Variants in PSG3 observed in about 807,000 individuals in gnomAD.
PSG3 encodes pregnancy specific beta-1-glycoprotein 3, also known as pregnancy-specific beta-1-glycoprotein 3.
Under a neutral mutation model 47.5 loss-of-function variants are expected in PSG3, and 61 were observed. The ratio of observed to expected loss-of-function variants is 1.28; its 90% CI spans 1.05 to 1.59. The LOEUF (loss-of-function observed/expected upper bound fraction) is 1.59. PSG3 is among the 40% of genes most tolerant of loss of function. PSG3 has a pLI of 0.00. For synonymous variants in PSG3, 263 were observed against 198.4 expected (o/e 1.33, Z -2.74); for missense variants, 756 against 524.0 (o/e 1.44, Z -4.32).
At chr19:42,737,535 A>G (rs1969586027) in intron 2 of PSG3, among the ~76,000 whole-genome samples, 1 of 152,064 alleles carries the variant, frequency 6.6e-6, no homozygotes, top group Admixed American at 6.5e-5. Flanking sequence ...AGGCCTGGAC[A>G]TGTTTTTTCC....
In PSG3 at chr19:42,729,513, G is replaced by A. The variant is rs550661388; in HGVS notation, c.989-136C>T. The A allele has an allele frequency of 3.4e-4, 506 of 1,485,128 alleles. 1 individual carries two copies. The African/African-American group carries it at 6.5e-3, about 19-fold the overall frequency. 92.0% of individuals were successfully genotyped at this position (1,485,128 alleles called of 1,614,324 possible). ...CAGCCAAACCCCCTCTATGTTCACT[G>A]AGCTGAAGCCTGAGGTATTCCCCTG... On this transcript the variant is annotated intron_variant, in intron 4 of 6. Coordinates refer to ENST00000327495, the MANE Select transcript of PSG3 (RefSeq NM_021016.4).
intron 5 of PSG3, among the ~76,000 whole-genome samples, chr19:42,725,415 A>G (rs1188972433): frequency 6.6e-6 from 1 of 152,244 alleles, no homozygotes; most frequent in African/African-American, 2.4e-5. Context: ...TAAGGATTAG[A>G]GTGGATATAA....
Position 42,728,910 on chromosome 19 carries a change from T to G in PSG3, c.1243+213A>C, listed in dbSNP as rs1969417921. Among the ~76,000 whole-genome samples the G allele has an allele frequency of 2.6e-5, 4 of 152,216 alleles. No individual in the cohort carries two copies. The South Asian group carries it at 8.3e-4, about 32-fold the overall frequency. On this transcript the variant is annotated intron_variant, in intron 5 of 6. Coordinates refer to ENST00000327495, the MANE Select transcript of PSG3 (RefSeq NM_021016.4). ...TGATAAAGCCCGCTCCGTACCTTTCTCAGGCCAGACACAAGGTCAGCCATG... is the reference window on the plus strand; with the variant it reads ...TGATAAAGCCCGCTCCGTACCTTTCGCAGGCCAGACACAAGGTCAGCCATG...
intron 2 of PSG3, among the ~76,000 whole-genome samples, chr19:42,735,076 A>G (rs1283662460): frequency 1.3e-5 from 2 of 152,236 alleles, no homozygotes; most frequent in South Asian, 2.1e-4. Context: ...GCCATCAGAT[A>G]GCACCCACCT....
Position 42,738,886 on chromosome 19 carries a change from T to A in PSG3, c.268A>T (p.Ile90Leu), listed in dbSNP as rs142949669. 6.2e-7 allele frequency: 1 copy of A among 1,614,080 alleles called. No individual in the cohort carries two copies. The highest frequency in any genetic ancestry group is 8.5e-7 in the Non-Finnish European group (1 of 1,179,974). The change falls in exon 2 of 7, where the codon ATA becomes TTA. Residue 90 changes from isoleucine to leucine, a missense_variant. Physicochemically the swap from Ile to Leu is conservative, Grantham distance 5. Coordinates refer to ENST00000327495, the MANE Select transcript of PSG3 (RefSeq NM_021016.4). ...CGTCCACTGTATGCAGGCCCATATA[T>A]AATTATTTGACCATCTACTACGTAT... The part of the protein sequence containing the change: ...TSYVVDGQII[I>L]YGPAYSGRET...
intron 2 of PSG3, among the ~76,000 whole-genome samples, chr19:42,735,510 G>C (rs1305463179): frequency 6.6e-6 from 1 of 152,072 alleles, no homozygotes; most frequent in East Asian, 1.9e-4. Context: ...GGGACTACAA[G>C]CGCCTGCCAC....
At chr19:42,737,901 G>A (rs147815087) in intron 2 of PSG3, among the ~76,000 whole-genome samples, 13 of 152,328 alleles carry the variant, frequency 8.5e-5, no homozygotes, top group South Asian at 4.1e-4. Flanking sequence ...TCACAGTCAC[G>A]TGACCTAATT....
chr19:42,736,513 G>C (rs1278685135), intron 2 of PSG3, among the ~76,000 whole-genome samples: 1 of 152,072 alleles, frequency 6.6e-6, no homozygotes, highest in Non-Finnish European at 1.5e-5. Flanking sequence ...TGATCCACTG[G>C]GGAGGCTGAT....
chr19:42,735,248 G>A (rs144797445), intron 2 of PSG3, among the ~76,000 whole-genome samples: 1 of 152,058 alleles, frequency 6.6e-6, no homozygotes, highest in Non-Finnish European at 1.5e-5. Context: ...CCCCACTCTT[G>A]TTGAACTTTC....
chr19:42,734,907 T>C (rs893243908), intron 2 of PSG3, among the ~76,000 whole-genome samples: 1 of 152,228 alleles, frequency 6.6e-6, no homozygotes, highest in African/African-American at 2.4e-5. Flanking sequence ...CTTCATTTTC[T>C]CTTAAGCTCA....
chr19:42,723,608 G>T (rs1969329722), intron 6 of PSG3, among the ~76,000 whole-genome samples: 1 of 152,178 alleles, frequency 6.6e-6, no homozygotes. Context: ...TTTGAGAAGT[G>T]GTTGAGCTTT....
rs1969304021 is a variant in PSG3, at chr19:42,721,796, T to C, written c.*335A>G. On this transcript the variant is annotated 3_prime_UTR_variant, in exon 7 of 7. Coordinates refer to ENST00000327495, the MANE Select transcript of PSG3 (RefSeq NM_021016.4). Reference sequence around the variant, plus strand: ...GCTGAAGAAAAAAAGTGCATAAATCTGGAGAATAAAACATTCAAAGAATCA... The same window carrying C: ...GCTGAAGAAAAAAAGTGCATAAATCCGGAGAATAAAACATTCAAAGAATCA... The C allele has an allele frequency of 4.9e-6, 2 of 408,776 alleles. No individual in the cohort carries two copies. Among genetic ancestry groups the C allele is most frequent in the African/African-American group, 4.1e-5 (2 of 48,588 alleles). 25.3% of individuals were successfully genotyped at this position (408,776 alleles called of 1,614,324 possible). A position where few individuals can be genotyped will look rare whatever the true frequency, so the allele number is the denominator to read the frequency against.
At chr19:42,733,298 C>T (rs570620505) in intron 2 of PSG3, 139 of 897,370 alleles carry the variant, frequency 1.5e-4, no homozygotes, top group Admixed American at 2.5e-4. Context: ...TGAGCAGCAG[C>T]ATTGGGTCAC....
chr19:42,733,238 G>T (rs1969506678), intron 2 of PSG3, 176 bp from the exon 3 acceptor site: 1 of 1,337,012 alleles, frequency 7.5e-7, no homozygotes, highest in Non-Finnish European at 1.0e-6. Context: ...CAGAGATTGT[G>T]AGGCTGCCTG....
chr19:42,729,461 T>C, intron 4 of PSG3, 84 bp from the exon 5 acceptor site: 1 of 1,542,886 alleles, frequency 6.5e-7, no homozygotes, highest in Non-Finnish European at 8.7e-7. Flanking sequence ...ACAGTGACCC[T>C]CTGAGCCAAG....
At chr19:42,725,419 G>C (rs1458518949) in intron 5 of PSG3, among the ~76,000 whole-genome samples, 1 of 151,958 alleles carries the variant, frequency 6.6e-6, no homozygotes, top group African/African-American at 2.4e-5. Flanking sequence ...GATTAGAGTG[G>C]ATATAAATAA....
Position 42,729,773 on chromosome 19 carries a change from C to T in PSG3, c.988+5G>A. Reference sequence around the variant, plus strand: ...CTGGCCCACAGAGGAACAAAAGATACTCACAGAGGACATTCAGGGTGACTG... The same window carrying T: ...CTGGCCCACAGAGGAACAAAAGATATTCACAGAGGACATTCAGGGTGACTG... On this transcript the variant is annotated splice_donor_5th_base_variant and intron_variant, in intron 4 of 6. Transcript: ENST00000327495. 2 of 1,573,884 alleles carry T rather than the reference C, an allele frequency of 1.3e-6. No homozygotes were observed. The highest frequency in any genetic ancestry group is 1.7e-6 in the Non-Finnish European group (2 of 1,157,208).
At chr19:42,732,355 G>T (rs1035508436) in intron 3 of PSG3, 14 of 279,278 alleles carry the variant, frequency 5.0e-5, no homozygotes, top group Non-Finnish European at 9.1e-5. Flanking sequence ...AGGTGTATGA[G>T]GAGGAAATGG....
intron 5 of PSG3, among the ~76,000 whole-genome samples, chr19:42,728,680 C>G (rs1368029578): frequency 3.3e-5 from 5 of 152,328 alleles, no homozygotes; most frequent in Non-Finnish European, 5.9e-5. Flanking sequence ...CCTCCCTCAC[C>G]CAAGGGGCTT....
Sources: gnomAD v4.1 joint callset for allele counts (sites outside exome capture counted in the v4.1 genomes callset) on GRCh38, gnomAD v4.1.1 for gene constraint, MANE v1.5 for transcripts, NCBI Gene and HGNC (gene_info 2026-07-23, HGNC 2026-07-21) for gene names.